Variants in ESR1 observed in about 807,000 individuals in gnomAD.
ESR1 encodes estrogen receptor 1.
A neutral mutation model predicts 52.7 loss-of-function variants in ESR1; 12 were observed. The ratio of observed to expected loss-of-function variants is 0.23; its 90% CI spans 0.15 to 0.37. The LOEUF is 0.37. Ranked by LOEUF, ESR1 falls within the 10% of genes least tolerant of loss-of-function variation. The pLI is 1.00. For missense variants in ESR1, 584 were observed against 779.7 expected (o/e 0.75, Z 2.99); for synonymous variants, 305 against 316.8 (o/e 0.96, Z 0.39).
intron 2 of ESR1, among the ~76,000 whole-genome samples, chr6:151,707,498 T>C (rs1471834657): frequency 6.6e-6 from 1 of 152,052 alleles, no homozygotes; most frequent in Non-Finnish European, 1.5e-5. Context: ...ATATATAAAA[T>C]ACATGCATAA....
In ESR1 at chr6:151,971,699, A is replaced by T. The variant is rs545656151; in HGVS notation, c.1096+27191A>T. On this transcript the variant is annotated intron_variant, in intron 4 of 7. Coordinates refer to ENST00000206249, the MANE Select transcript of ESR1 (RefSeq NM_000125.4). ...TCATAGCATTAAATACCTACATCAA[A>T]AAGTCTGAAAGAGCACAAATAGGCA... 6.6e-5 allele frequency among the ~76,000 whole-genome samples: 10 copies of T among 152,296 alleles called. No individual in the cohort carries two copies. In the East Asian group the frequency reaches 1.9e-3, roughly 29 times the overall value.
intron 1 of ESR1, among the ~76,000 whole-genome samples, chr6:151,676,695 A>G (rs1771339): frequency 0.56 from 85,753 of 151,864 alleles, 24,488 homozygotes; most frequent in African/African-American, 0.66. Context: ...AGCACCCCTC[A>G]TGGGAAGGCA....
chr6:151,963,885 T>A (rs1402058085), intron 4 of ESR1, among the ~76,000 whole-genome samples: 1 of 152,236 alleles, frequency 6.6e-6, no homozygotes, highest in African/African-American at 2.4e-5. Flanking sequence ...TTTTTTTATA[T>A]GTGGATATCC....
At chr6:152,070,378 C>T (rs999947932) in intron 6 of ESR1, among the ~76,000 whole-genome samples, 4 of 137,388 alleles carry the variant, frequency 2.9e-5, no homozygotes, top group Admixed American at 2.7e-4. Context: ...CTGAAGAAAA[C>T]CTTAAGGAAA....
At chr6:151,773,597 G>C (rs1482144520) in intron 2 of ESR1, among the ~76,000 whole-genome samples, 1 of 152,220 alleles carries the variant, frequency 6.6e-6, no homozygotes, top group Non-Finnish European at 1.5e-5. Flanking sequence ...CCTGGTCCTA[G>C]TGGAGAGGAA....
chr6:151,871,406 T>G (rs1790944597), intron 2 of ESR1, among the ~76,000 whole-genome samples: 1 of 151,986 alleles, frequency 6.6e-6, no homozygotes, highest in Non-Finnish European at 1.5e-5. Flanking sequence ...TATTTTTTAT[T>G]TTATTTTATT....
At chr6:151,787,684 T>C (rs1386441539) in intron 2 of ESR1, among the ~76,000 whole-genome samples, 1 of 152,142 alleles carries the variant, frequency 6.6e-6, no homozygotes, top group Non-Finnish European at 1.5e-5. Context: ...GTGATTTCTG[T>C]ATGTTGATTT....
chr6:151,657,168 A>G (rs953635685), intron 1 of ESR1, among the ~76,000 whole-genome samples: 2 of 152,156 alleles, frequency 1.3e-5, no homozygotes, highest in Admixed American at 6.5e-5. Context: ...TGTCTTTATC[A>G]TTAAAAACTG....
chr6:151,987,473 G>A (rs1460956510), intron 4 of ESR1, among the ~76,000 whole-genome samples: 1 of 152,090 alleles, frequency 6.6e-6, no homozygotes, highest in African/African-American at 2.4e-5. Context: ...TGGCCAGGCT[G>A]GTCTCAAACT....
At chr6:152,084,843 C>T (rs779550745) in intron 6 of ESR1, among the ~76,000 whole-genome samples, 69 of 152,230 alleles carry the variant, frequency 4.5e-4, no homozygotes, top group Middle Eastern at 3.4e-3. Context: ...GGTGAGAAAC[C>T]GGAGTACAGA....
At chr6:152,011,386 C>T (rs2042753536) in intron 4 of ESR1, among the ~76,000 whole-genome samples, 2 of 152,156 alleles carry the variant, frequency 1.3e-5, no homozygotes, top group South Asian at 2.1e-4. Context: ...GAGTATAACA[C>T]TTTATAGAAA....
intron 6 of ESR1, among the ~76,000 whole-genome samples, chr6:152,111,030 A>C (rs1409862217): frequency 6.6e-6 from 1 of 152,036 alleles, no homozygotes; most frequent in Non-Finnish European, 1.5e-5. Context: ...TTTCTAGCCG[A>C]TGACCTGAGA....
At chr6:152,016,280 C>T (rs1406844377) in intron 5 of ESR1, among the ~76,000 whole-genome samples, 1 of 151,818 alleles carries the variant, frequency 6.6e-6, no homozygotes, top group Non-Finnish European at 1.5e-5. Flanking sequence ...TTATTAGCAG[C>T]ATGAGAACAA....
In ESR1 at chr6:152,025,203, C is replaced by T. The variant is rs537423710; in HGVS notation, c.1235+13409C>T. Among the ~76,000 whole-genome samples the T allele has an allele frequency of 5.4e-3, 693 of 128,170 alleles. 2 individuals are homozygous for T. Among genetic ancestry groups the T allele is most frequent in the South Asian group, 9.2e-3 (37 of 4,008 alleles). The allele number at this position is 128,170 out of a possible 152,430, so 84.1% of individuals were successfully genotyped here. A position where few individuals can be genotyped will look rare whatever the true frequency, so the allele number is the denominator to read the frequency against. ...TGTGCTTTGTGTGTAGTCTTCATCA[C>T]GCTTTTTTTTTTTTTTTTAACCAGT... On this transcript the variant is annotated intron_variant, in intron 5 of 7. Coordinates refer to ENST00000206249, the MANE Select transcript of ESR1 (RefSeq NM_000125.4).
chr6:151,686,098 C>CGGGGTCTTTCTACATTGCTCA (rs1258985552), upstream of ESR1, among the ~76,000 whole-genome samples: 2 of 106,896 alleles, frequency 1.9e-5, no homozygotes, highest in African/African-American at 1.5e-4. Context: ...TATTTAGAGA[C>CGGGGTCTTTCTACATTGCTCA]GGGGTCTTTC....
chr6:152,052,649 G>A (rs1235688832), intron 5 of ESR1, among the ~76,000 whole-genome samples: 3 of 152,046 alleles, frequency 2.0e-5, no homozygotes, highest in African/African-American at 7.2e-5. Context: ...CAGCACAGAG[G>A]AAAAGCATAT....
At chr6:151,790,650 G>C (rs1776065511) in intron 2 of ESR1, among the ~76,000 whole-genome samples, 3 of 151,682 alleles carry the variant, frequency 2.0e-5, no homozygotes, top group Non-Finnish European at 4.4e-5. Flanking sequence ...TTAATATCTG[G>C]GGACCTCAGC....
chr6:152,031,756 T>C (rs956724326), intron 5 of ESR1, among the ~76,000 whole-genome samples: 34 of 152,194 alleles, frequency 2.2e-4, no homozygotes, highest in African/African-American at 7.9e-4. Flanking sequence ...TTCCAATCAA[T>C]AGAAAAAGAG....
chr6:152,079,820 A>G (rs1268015372), intron 6 of ESR1, among the ~76,000 whole-genome samples: 1 of 152,244 alleles, frequency 6.6e-6, no homozygotes, highest in Non-Finnish European at 1.5e-5. Flanking sequence ...GCTGAAAACC[A>G]CAGCATGAGA....
Sources: allele counts gnomAD v4.1 joint callset (sites outside exome capture counted in the v4.1 genomes callset), GRCh38; gene constraint gnomAD v4.1.1; transcripts MANE v1.5; gene names NCBI Gene and HGNC (gene_info 2026-07-23, HGNC 2026-07-21).